Variants in ARHGAP11A observed in about 807,000 individuals in gnomAD.
The protein encoded by ARHGAP11A is Rho GTPase activating protein 11A.
In ARHGAP11A, 36 loss-of-function variants were observed where a neutral mutation model predicts 60.5. The ratio of observed to expected loss-of-function variants is 0.59; its 90% confidence interval spans 0.46 to 0.79. The LOEUF is 0.79. Among genes scored for constraint, ARHGAP11A ranks in the 30% least tolerant of loss-of-function variants. ARHGAP11A has a pLI of 0.00. For synonymous variants in ARHGAP11A, 362 were observed against 415.5 expected (o/e 0.87, Z 1.57); for missense variants, 1,071 against 1,199.2 (o/e 0.89, Z 1.58).
chr15:32,635,943 T>A lies in ARHGAP11A; in HGVS notation c.1483+28T>A, dbSNP rs759126816. 12 of 1,557,722 alleles carry A rather than the reference T, an allele frequency of 7.7e-6. No homozygotes were observed. The East Asian group carries it at 2.6e-4, about 33-fold the overall frequency. On this transcript the variant is annotated intron_variant, in intron 11 of 11. Transcript: ENST00000361627. Reference sequence around the variant, plus strand: ...ACATTTACATACTACTGTTAGAGTTTTACCTAAAAATCCTGCTTTAGTTGC... The same window carrying A: ...ACATTTACATACTACTGTTAGAGTTATACCTAAAAATCCTGCTTTAGTTGC...
rs2053762573 is a variant in ARHGAP11A, at chr15:32,637,882, G to C, written c.*37G>C. 1 of 1,484,982 alleles carries C rather than the reference G, an allele frequency of 6.7e-7. No homozygotes were observed. The highest frequency in any genetic ancestry group is 1.4e-5 in the South Asian group (1 of 73,834). The allele number at this position is 1,484,982 out of a possible 1,614,324, so 92.0% of individuals were successfully genotyped here. ...TATACTTGTCATTAATGTAAATAAA[G>C]TGAGTAATTGGTATGACTTGCAGGA... On this transcript the variant is annotated 3_prime_UTR_variant, in exon 12 of 12. Transcript: ENST00000361627.
At chr15:32,618,484 C>G (rs1241223454) in intron 1 of ARHGAP11A, among the ~76,000 whole-genome samples, 1 of 152,130 alleles carries the variant, frequency 6.6e-6, no homozygotes, top group Non-Finnish European at 1.5e-5. Context: ...TTTTTGAATG[C>G]TTACTGTGTG....
chr15:32,621,731 A>C (rs1455367713), intron 2 of ARHGAP11A, among the ~76,000 whole-genome samples: 1 of 151,634 alleles, frequency 6.6e-6, no homozygotes, highest in Non-Finnish European at 1.5e-5. Flanking sequence ...AGGCTGAGGC[A>C]GGGGAATGGC....
rs1314080037 is a variant in ARHGAP11A, at chr15:32,624,889, A to G, written c.552-191A>G. ...AAGATTAGCATGGTTTTTAGAATACATATTTAAATATAGAGAGGCTATATA... is the reference window on the plus strand; with the variant it reads ...AAGATTAGCATGGTTTTTAGAATACGTATTTAAATATAGAGAGGCTATATA... On this transcript the variant is annotated intron_variant, in intron 4 of 11. Transcript: ENST00000361627. 3.3e-5 allele frequency among the ~76,000 whole-genome samples: 5 copies of G among 151,904 alleles called. No homozygotes were observed. The South Asian group carries it at 1.0e-3, about 32-fold the overall frequency.
At chr15:32,631,298 C>CTT (rs36081568) in intron 8 of ARHGAP11A, among the ~76,000 whole-genome samples, 14 of 143,422 alleles carry the variant, frequency 9.8e-5, no homozygotes, top group African/African-American at 3.6e-4. Flanking sequence ...ATAATTGTCT[C>CTT]TTTTTTTTTT....
At chr15:32,632,020 A>G (rs2053598902) in intron 8 of ARHGAP11A, among the ~76,000 whole-genome samples, 1 of 152,190 alleles carries the variant, frequency 6.6e-6, no homozygotes, top group African/African-American at 2.4e-5. Context: ...GAATAAAGCT[A>G]CTTATGTCAC....
intron 8 of ARHGAP11A, among the ~76,000 whole-genome samples, chr15:32,632,003 A>G (rs902134644): frequency 2.6e-5 from 4 of 152,216 alleles, no homozygotes; most frequent in African/African-American, 9.6e-5. Flanking sequence ...ACTAGACTGC[A>G]GCCCTAGAAT....
intron 6 of ARHGAP11A, among the ~76,000 whole-genome samples, chr15:32,627,683 C>T (rs968014605): frequency 2.2e-4 from 34 of 152,124 alleles, no homozygotes; most frequent in African/African-American, 6.5e-4. Context: ...TGGCTGAGAT[C>T]GGGCCACTGC....
chr15:32,630,792 C>T (rs1215214449), intron 8 of ARHGAP11A, among the ~76,000 whole-genome samples: 1 of 152,042 alleles, frequency 6.6e-6, no homozygotes, highest in Non-Finnish European at 1.5e-5. Flanking sequence ...GATAGTAACT[C>T]TGAAGCTTAT....
Position 32,635,865 on chromosome 15 carries a change from A to C in ARHGAP11A, c.1433A>C (p.Lys478Thr). 1 of 1,611,954 alleles carries C rather than the reference A, an allele frequency of 6.2e-7. No individual in the cohort carries two copies. The highest frequency in any genetic ancestry group is 8.5e-7 in the Non-Finnish European group (1 of 1,179,442). The change falls in exon 11 of 12, where the codon AAA (lysine) becomes ACA (threonine). Residue 478 changes from lysine (K) to threonine (T), a missense_variant. This residue lies in a region of ARHGAP11A where 776 missense variants were observed against 760.2 expected (regional missense o/e 1.02). Transcript: ENST00000361627. The part of the protein sequence containing the change: ...QSLKNRIESV[K>T]TGLLFSPDVD... ...TTAAAAAATCGAATTGAATCTGTAAAAACAGGTTTGCTTTTTAGCCCAGAT... is the reference window on the plus strand; with the variant it reads ...TTAAAAAATCGAATTGAATCTGTAACAACAGGTTTGCTTTTTAGCCCAGAT...
chr15:32,631,301 T>C (rs966242947), intron 8 of ARHGAP11A, among the ~76,000 whole-genome samples: 2 of 148,082 alleles, frequency 1.4e-5, no homozygotes, highest in African/African-American at 2.5e-5. Context: ...ATTGTCTCTT[T>C]TTTTTTTTTT....
At chr15:32,634,605 C>T (rs144945978) in intron 10 of ARHGAP11A, among the ~76,000 whole-genome samples, 15 of 152,316 alleles carry the variant, frequency 9.8e-5, no homozygotes, top group African/African-American at 3.6e-4. Context: ...GCTTTTTTGA[C>T]TCTCCTACTT....
At chr15:32,626,797 C>T (rs564306491) in intron 6 of ARHGAP11A, among the ~76,000 whole-genome samples, 6 of 152,346 alleles carry the variant, frequency 3.9e-5, no homozygotes, top group African/African-American at 7.2e-5. Flanking sequence ...GGCTTGCAGC[C>T]GCGTCACTCC....
intron 11 of ARHGAP11A, 139 bp from the exon 12 acceptor site, chr15:32,636,118 C>A: frequency 7.2e-7 from 1 of 1,397,676 alleles, no homozygotes; most frequent in Non-Finnish European, 9.3e-7. Context: ...GTTTGACATT[C>A]TTATGTTAAA....
At position 32,623,568 on chromosome 15, in the gene ARHGAP11A, A is replaced by G; in HGVS notation, c.277A>G (p.Ile93Val). 2 of 1,614,126 alleles carry G rather than the reference A, an allele frequency of 1.2e-6. No homozygotes were observed. The highest frequency in any genetic ancestry group is 1.7e-6 in the Non-Finnish European group (2 of 1,180,012). Residue 93 changes from isoleucine to valine, a missense_variant, in exon 3 of 12, where the codon ATT becomes GTT. Ile to Val is a conservative substitution (Grantham distance 29). Around this residue, in one of 4 missense-constraint regions of ARHGAP11A, gnomAD observed 71 missense variants for 142.4 expected, o/e 0.50. Transcript: ENST00000361627. The stretch of plus-strand genomic sequence containing the variant: ...GCTTTTTCGGAAATCAGGATCTGTG[A>G]TTCGCCTAAAAGCACTAAAGGTGAG... ...EGLFRKSGSV[I>V]RLKALKNKVD...
chr15:32,628,819 T>C lies in ARHGAP11A; in HGVS notation c.937+17T>C, dbSNP rs2053526321. On this transcript the variant is annotated intron_variant, in intron 7 of 11. Transcript: ENST00000361627. ...AAAGAATTGGTAGGTATTTATTATA[T>C]GCATTTATTTAAATTAAAATTTGTA... 6.7e-7 allele frequency: 1 copy of C among 1,495,704 alleles called. No individual in the cohort carries two copies. Among genetic ancestry groups the C allele is most frequent in the South Asian group, 1.3e-5 (1 of 74,772 alleles). The allele number at this position is 1,495,704 out of a possible 1,614,324, so 92.7% of individuals were successfully genotyped here.
intron 6 of ARHGAP11A, among the ~76,000 whole-genome samples, chr15:32,627,224 A>G (rs1385639735): frequency 6.6e-6 from 1 of 151,760 alleles, no homozygotes; most frequent in Non-Finnish European, 1.5e-5. Context: ...TCTGCTTTTC[A>G]TTGGTGCTTT....
At chr15:32,621,267 C>T (rs138478323) in intron 2 of ARHGAP11A, among the ~76,000 whole-genome samples, 14 of 147,276 alleles carry the variant, frequency 9.5e-5, no homozygotes, top group South Asian at 6.5e-4. Flanking sequence ...CTCGGCTCAC[C>T]GCAACCTTCA....
intron 6 of ARHGAP11A, among the ~76,000 whole-genome samples, chr15:32,626,809 A>G (rs531753830): frequency 2.6e-5 from 4 of 152,352 alleles, no homozygotes; most frequent in South Asian, 2.1e-4. Flanking sequence ...CGTCACTCCA[A>G]TCCCTGCCTA....
Sources: gnomAD v4.1 joint callset for allele counts (sites outside exome capture counted in the v4.1 genomes callset) on GRCh38, gnomAD v4.1.1 for gene constraint, gnomAD v4.1.1 regional missense constraint, MANE v1.5 for transcripts, NCBI Gene and HGNC (gene_info 2026-07-23, HGNC 2026-07-21) for gene names.